UBE2E2: variants seen among roughly 807,000 people sequenced by gnomAD.
UBE2E2 encodes ubiquitin conjugating enzyme E2 E2.
A neutral mutation model predicts 24.7 loss-of-function variants in UBE2E2; 6 were observed. That is an observed-to-expected ratio of 0.24 (90% CI 0.13 to 0.48). The LOEUF is 0.48. Ranked by LOEUF, UBE2E2 falls within the 20% of genes least tolerant of loss-of-function variation. UBE2E2 has a pLI of 0.99. For synonymous variants in UBE2E2, 104 were observed against 83.6 expected (o/e 1.24, Z -1.33); for missense variants, 169 against 245.0 (o/e 0.69, Z 2.07).
chr3:23,311,215 C>A (rs1202092978), intron 3 of UBE2E2, among the ~76,000 whole-genome samples: 1 of 152,144 alleles, frequency 6.6e-6, no homozygotes, highest in South Asian at 2.1e-4. Flanking sequence ...GCGTAGTATT[C>A]GATGGTGTAT....
chr3:23,525,284 C>T (rs1247145850), intron 4 of UBE2E2, among the ~76,000 whole-genome samples: 1 of 152,162 alleles, frequency 6.6e-6, no homozygotes, highest in East Asian at 1.9e-4. Flanking sequence ...GTAACATTCA[C>T]AGGTTCCAGG....
chr3:23,414,002 A>T (rs1697560410), intron 3 of UBE2E2, among the ~76,000 whole-genome samples: 2 of 152,192 alleles, frequency 1.3e-5, no homozygotes, highest in South Asian at 4.1e-4. Flanking sequence ...AATCCTTTAT[A>T]ACTCACTGCA....
chr3:23,311,245 T>A (rs1694381809), intron 3 of UBE2E2, among the ~76,000 whole-genome samples: 1 of 152,248 alleles, frequency 6.6e-6, no homozygotes, highest in Non-Finnish European at 1.5e-5. Flanking sequence ...ATTTTCTTAA[T>A]CCAGTCTATC....
rs543550939 is a variant in UBE2E2 at position 23,508,635 on chromosome 3, A to G, written c.360+8895A>G. Among the ~76,000 whole-genome samples, 9 of 152,250 alleles carry G rather than the reference A, an allele frequency of 5.9e-5. No homozygotes were observed. In the South Asian group the frequency reaches 1.9e-3, roughly 32 times the overall value. ...ATCAGCCACTCTGATATCTACTGAC[A>G]CACCCTTATAAGAGCCCTGCCATAA... On this transcript the variant is annotated intron_variant, in intron 4 of 5. Transcript: ENST00000396703.
chr3:23,507,191 A>G (rs757357552), intron 4 of UBE2E2, among the ~76,000 whole-genome samples: 10 of 152,008 alleles, frequency 6.6e-5, no homozygotes, highest in African/African-American at 2.4e-4. Context: ...TTCTCCCTTG[A>G]TGTCTCTGCT....
chr3:23,500,812 G>A (rs975436344), intron 4 of UBE2E2, among the ~76,000 whole-genome samples: 2 of 152,094 alleles, frequency 1.3e-5, no homozygotes, highest in African/African-American at 4.8e-5. Flanking sequence ...GGAAACCAAG[G>A]ACAGAGGAAC....
intron 5 of UBE2E2, among the ~76,000 whole-genome samples, chr3:23,570,158 C>A (rs1559425417): frequency 6.6e-6 from 1 of 152,104 alleles, no homozygotes; most frequent in African/African-American, 2.4e-5. Flanking sequence ...CCTCCTTTTT[C>A]CCCCTAATCA....
intron 4 of UBE2E2, among the ~76,000 whole-genome samples, chr3:23,518,902 A>T (rs1335529913): frequency 1.3e-5 from 2 of 152,226 alleles, no homozygotes; most frequent in African/African-American, 4.8e-5. Context: ...CATTTTGTGA[A>T]TTTAGGAATA....
intron 3 of UBE2E2, chr3:23,274,044 AGGG>A (rs1371830483): frequency 6.6e-6 from 1 of 152,254 alleles, no homozygotes; most frequent in Non-Finnish European, 1.5e-5. Context: ...TGATATAAGA[AGGG>A]AGTCAAATAT....
intron 3 of UBE2E2, chr3:23,323,541 C>T (rs1164799734): frequency 1.3e-5 from 6 of 452,130 alleles, no homozygotes; most frequent in South Asian, 4.7e-5. Flanking sequence ...AAAGGAAATG[C>T]TCATTCAATT....
intron 3 of UBE2E2, among the ~76,000 whole-genome samples, chr3:23,227,547 C>A (rs577990294): frequency 1.7e-3 from 257 of 152,272 alleles, no homozygotes; most frequent in Admixed American, 4.8e-3. Flanking sequence ...TTATTTGTAT[C>A]CATCTCTTTT....
intron 3 of UBE2E2, among the ~76,000 whole-genome samples, chr3:23,393,398 A>G (rs75613244): frequency 0.029 from 4,390 of 152,298 alleles, 110 homozygotes; most frequent in East Asian, 0.13. Flanking sequence ...AGTTTAGAGC[A>G]GTGATTCTCA....
At chr3:23,294,693 ATATT>A (rs1332131571) in intron 3 of UBE2E2, among the ~76,000 whole-genome samples, 7 of 146,438 alleles carry the variant, frequency 4.8e-5, no homozygotes, top group Non-Finnish European at 1.1e-4. Flanking sequence ...TTTAAATATA[ATATT>A]TATATAATAT....
chr3:23,231,129 T>C (rs886067758), intron 3 of UBE2E2, among the ~76,000 whole-genome samples: 1 of 152,204 alleles, frequency 6.6e-6, no homozygotes, highest in Non-Finnish European at 1.5e-5. Flanking sequence ...ACTAGAATTA[T>C]ATTTCCCAGA....
At chr3:23,302,259 T>G (rs766961858) in intron 3 of UBE2E2, among the ~76,000 whole-genome samples, 3 of 152,222 alleles carry the variant, frequency 2.0e-5, no homozygotes, top group African/African-American at 4.8e-5. Flanking sequence ...CTGCAAAGTA[T>G]GTTTCTTTTT....
chr3:23,434,672 A>G (rs927445999), intron 3 of UBE2E2, among the ~76,000 whole-genome samples: 1 of 152,182 alleles, frequency 6.6e-6, no homozygotes, highest in Non-Finnish European at 1.5e-5. Context: ...ATAAAAATTG[A>G]AAGGCATAAA....
At chr3:23,415,314 T>G (rs1308404439) in intron 3 of UBE2E2, among the ~76,000 whole-genome samples, 2 of 152,190 alleles carry the variant, frequency 1.3e-5, no homozygotes, top group East Asian at 3.8e-4. Flanking sequence ...AACTAGGTCC[T>G]TCCAGTGATA....
At chr3:23,240,273 C>T (rs1282571989) in intron 3 of UBE2E2, among the ~76,000 whole-genome samples, 4 of 152,176 alleles carry the variant, frequency 2.6e-5, no homozygotes, top group Non-Finnish European at 5.9e-5. Context: ...TTTAGCTTAG[C>T]ATTGCTTACA....
chr3:23,298,899 C>T (rs1189621118), intron 3 of UBE2E2, among the ~76,000 whole-genome samples: 1 of 152,126 alleles, frequency 6.6e-6, no homozygotes, highest in Admixed American at 6.5e-5. Context: ...TAGAATTTGG[C>T]TGTGAATTCA....
Sources: gnomAD v4.1 joint callset for allele counts (sites outside exome capture counted in the v4.1 genomes callset) on GRCh38, gnomAD v4.1.1 for gene constraint, MANE v1.5 for transcripts, NCBI Gene and HGNC (gene_info 2026-07-23, HGNC 2026-07-21) for gene names.